Variants in UBR4 observed in about 807,000 individuals in gnomAD.
The protein encoded by UBR4 is E3 ubiquitin-protein ligase UBR4.
In UBR4, 124 loss-of-function variants were observed where a neutral mutation model predicts 575.6. The ratio of observed to expected loss-of-function variants is 0.22; its 90% CI spans 0.19 to 0.25. UBR4 has a LOEUF of 0.25. Among genes scored for constraint, UBR4 ranks in the 10% least tolerant of loss-of-function variants. The pLI is 1.00. For missense variants in UBR4, 4,818 were observed against 6,478.8 expected (o/e 0.74, Z 8.80); for synonymous variants, 2,455 against 2,473.7 (o/e 0.99, Z 0.22).
At chr1:19,143,513 T>C (rs947587467) in intron 55 of UBR4, among the ~76,000 whole-genome samples, 2 of 152,224 alleles carry the variant, frequency 1.3e-5, no homozygotes, top group Non-Finnish European at 2.9e-5. Flanking sequence ...CTGTGAAATT[T>C]GCTATCCAAC....
At position 19,156,839 on chromosome 1, in the gene UBR4, T is replaced by A. The variant is rs1207209948; in HGVS notation, c.5847A>T (p.Pro1949=). The A allele has an allele frequency of 1.2e-6, 2 of 1,614,058 alleles. No homozygotes were observed. The highest frequency in any genetic ancestry group is 1.1e-5 in the South Asian group (1 of 91,088). The change falls in exon 41 of 106, where the codon CCA becomes CCT. Residue 1949 remains proline, a synonymous_variant. Coordinates refer to ENST00000375254, the MANE Select transcript of UBR4 (RefSeq NM_020765.3). ...KLTLTRLASA[P]VPFTVLSLTG... The stretch of plus-strand genomic sequence containing the variant: ...TGAGGCTCAACACAGTAAAAGGAAC[T>A]GGGGCAGAAGCCAAGCGGGTCAGAG...
At position 19,086,257 on chromosome 1, in the gene UBR4, G is replaced by A; in HGVS notation, c.14701C>T (p.Arg4901Trp). The change falls in exon 101 of 106, where the codon CGG (arginine) becomes TGG (tryptophan). Residue 4901 changes from arginine (R) to tryptophan (W), a missense_variant. Arg to Trp is a moderately radical substitution (Grantham distance 101, BLOSUM62 -3). Coordinates refer to ENST00000375254, the MANE Select transcript of UBR4 (RefSeq NM_020765.3). ...HLAAVRLARG[R>W]EEWESAALQN... ...AGGGCGGCACTCTCCCACTCTTCCC[G>A]GCCTCGAGCCAACCTGGATAGGGAG... is the stretch of plus-strand genomic sequence containing the variant. 1 of 1,575,600 alleles carries A rather than the reference G, an allele frequency of 6.3e-7. No homozygotes were observed. Among genetic ancestry groups the A allele is most frequent in the Non-Finnish European group, 8.6e-7 (1 of 1,157,934 alleles).
chr1:19,147,272 T>C (rs930006219), intron 51 of UBR4, among the ~76,000 whole-genome samples: 16 of 152,254 alleles, frequency 1.1e-4, no homozygotes, highest in African/African-American at 3.9e-4. Context: ...CCAGAACTGC[T>C]AGATTTCTTT....
rs2080723775 is a variant in UBR4 at position 19,117,879 on chromosome 1, A to C, written c.10573T>G (p.Tyr3525Asp). The C allele has an allele frequency of 6.2e-7, 1 of 1,614,218 alleles. No individual in the cohort carries two copies. Among genetic ancestry groups the C allele is most frequent in the Non-Finnish European group, 8.5e-7 (1 of 1,180,024 alleles). ...AGGCAGGGATCGCTCTCCAGGTAATAGCCATCAAACTCCACTAAGCCAGAC... is the reference window on the plus strand; with the variant it reads ...AGGCAGGGATCGCTCTCCAGGTAATCGCCATCAAACTCCACTAAGCCAGAC... ...TLSGLVEFDG[Y>D]YLESDPCLVC... Residue 3525 changes from tyrosine (Y) to aspartate (D), a missense_variant, in exon 72 of 106, where the codon TAT (tyrosine) becomes GAT (aspartate). Coordinates refer to ENST00000375254, the MANE Select transcript of UBR4 (RefSeq NM_020765.3). This position sits in a 1 kb window ranked among gnomAD's most constrained non-coding sequence, Gnocchi z 4.0.
At chr1:19,210,031 C>A in intron 1 of UBR4, 42 bp downstream of exon 1, 1 of 1,503,340 alleles carries the variant, frequency 6.7e-7, no homozygotes, top group South Asian at 1.2e-5. Flanking sequence ...GAAATCCCCT[C>A]CCCCCACAAC....
chr1:19,174,237 T>A, intron 22 of UBR4, 82 bp downstream of exon 22: 1 of 1,531,528 alleles, frequency 6.5e-7, no homozygotes, highest in South Asian at 1.3e-5. Context: ...ATAAACTGGT[T>A]ACATTTCAGA....
At chr1:19,131,480 G>A (rs370116912) in intron 60 of UBR4, among the ~76,000 whole-genome samples, 1 of 152,110 alleles carries the variant, frequency 6.6e-6, no homozygotes. Context: ...TGTCAATATG[G>A]CTAGGTTACC....
chr1:19,161,395 T>A (rs990469886), intron 37 of UBR4, among the ~76,000 whole-genome samples, 194 bp downstream of exon 37: 1 of 152,202 alleles, frequency 6.6e-6, no homozygotes, highest in Non-Finnish European at 1.5e-5. Flanking sequence ...AACTACAAGA[T>A]CTCTAAGGAA....
Position 19,124,747 on chromosome 1 carries a change from T to C in UBR4, c.9439-57A>G. The C allele has an allele frequency of 1.9e-6, 3 of 1,585,038 alleles. No homozygotes were observed. In the Admixed American group the frequency reaches 5.4e-5, roughly 29 times the overall value. Reference sequence around the variant, plus strand: ...GACTATCGATTTTCCATGACCACAATTAGGAAAAAGCCTGGCTCATTAGAC... The same window carrying C: ...GACTATCGATTTTCCATGACCACAACTAGGAAAAAGCCTGGCTCATTAGAC... On this transcript the variant is annotated intron_variant, in intron 64 of 105. Transcript: ENST00000375254.
At position 19,093,600 on chromosome 1, in the gene UBR4, A is replaced by G. The variant is rs1259254328; in HGVS notation, c.13938-114T>C. 14 of 1,185,402 alleles carry G rather than the reference A, an allele frequency of 1.2e-5. No individual in the cohort carries two copies. Among genetic ancestry groups the G allele is most frequent in the Non-Finnish European group, 1.7e-5 (14 of 844,708 alleles). 73.4% of individuals were successfully genotyped at this position (1,185,402 alleles called of 1,614,324 possible). A position where few individuals can be genotyped will look rare whatever the true frequency, so the allele number is the denominator to read the frequency against. On this transcript the variant is annotated intron_variant, in intron 95 of 105. Coordinates refer to ENST00000375254, the MANE Select transcript of UBR4 (RefSeq NM_020765.3). This position sits in a 1 kb window ranked among gnomAD's most constrained non-coding sequence, Gnocchi z 4.8. ...ATAGAAGATCAAGGCTAAATTCCCT[A>G]ACGTGACACAAAGACCTATCTGCCC... is the stretch of plus-strand genomic sequence containing the variant.
chr1:19,199,346 T>C, intron 3 of UBR4, among the ~76,000 whole-genome samples: 1 of 152,160 alleles, frequency 6.6e-6, no homozygotes, highest in Non-Finnish European at 1.5e-5. Context: ...AAGTTTGCAA[T>C]CCTTGAGAAG....
chr1:19,110,502 C>T lies in UBR4; in HGVS notation c.11893-38G>A. ...GGGAAGAGACATGAGTCAAGAGGGT[C>T]AGCTCCGGTCCAGCGACTCTTAACT... is the stretch of plus-strand genomic sequence containing the variant. On this transcript the variant is annotated intron_variant, in intron 79 of 105. Coordinates refer to ENST00000375254, the MANE Select transcript of UBR4 (RefSeq NM_020765.3). The surrounding 1 kb of genome is among the most constrained non-coding windows in gnomAD (Gnocchi z 4.5). The T allele has an allele frequency of 1.3e-6, 2 of 1,599,126 alleles. No homozygotes were observed. Among genetic ancestry groups the T allele is most frequent in the Non-Finnish European group, 1.7e-6 (2 of 1,168,476 alleles).
intron 35 of UBR4, 91 bp from the exon 36 acceptor site, chr1:19,161,988 G>A: frequency 1.4e-6 from 2 of 1,428,974 alleles, no homozygotes; most frequent in Non-Finnish European, 1.9e-6. Flanking sequence ...CTATGGCGGG[G>A]TGAATAGTTG....
chr1:19,164,555 C>T (rs992647734), intron 32 of UBR4, 114 bp from the exon 33 acceptor site: 1 of 1,249,958 alleles, frequency 8.0e-7, no homozygotes, highest in Non-Finnish European at 1.1e-6. Flanking sequence ...CCAATCCCAG[C>T]TTTGGACTTG....
intron 2 of UBR4, among the ~76,000 whole-genome samples, chr1:19,200,232 A>G (rs928412281): frequency 6.6e-6 from 1 of 152,124 alleles, no homozygotes; most frequent in Non-Finnish European, 1.5e-5. Context: ...AGGTCACACA[A>G]AAAATACACT....
In UBR4 at chr1:19,170,829, C is replaced by T. The variant is rs762792662; in HGVS notation, c.3576G>A (p.Lys1192=). 1.9e-5 allele frequency: 31 copies of T among 1,614,164 alleles called. No homozygotes were observed. Among genetic ancestry groups the T allele is most frequent in the Non-Finnish European group, 2.6e-5 (31 of 1,180,016 alleles). Reference sequence around the variant, plus strand: ...CAGCAGCAAAGCCTTGCAGTTTCTCCTTGGAAGGTTTCTCAGTTGTTCCCT... The same window carrying T: ...CAGCAGCAAAGCCTTGCAGTTTCTCTTTGGAAGGTTTCTCAGTTGTTCCCT... ...NEEGTTEKPS[K]EKLQGFAAVL... is the part of the protein sequence containing the mutation. The change falls in exon 26 of 106, where the codon AAG becomes AAA. Residue 1192 remains lysine (K), a synonymous_variant. Transcript: ENST00000375254.
At chr1:19,103,964 G>T in intron 87 of UBR4, 120 bp downstream of exon 87, 1 of 1,131,324 alleles carries the variant, frequency 8.8e-7, no homozygotes, top group Non-Finnish European at 1.3e-6. Context: ...CCCTTTGAAT[G>T]CAGGGAGATG....
At chr1:19,158,802 T>C (rs776550374) in intron 39 of UBR4, among the ~76,000 whole-genome samples, 3 of 151,942 alleles carry the variant, frequency 2.0e-5, no homozygotes, top group Non-Finnish European at 2.9e-5. Context: ...AGAATATATA[T>C]GGGTATGTAT....
chr1:19,096,657 G>C lies in UBR4; in HGVS notation c.13391-7C>G, dbSNP rs374046477. ...TCTTCATCTTCTTCTTCATCTAGGG[G>C]AGAAGGGAAGCCAAGCAGAAATGGA... On this transcript the variant is annotated splice_region_variant and splice_polypyrimidine_tract_variant and intron_variant, in intron 91 of 105. Coordinates refer to ENST00000375254, the MANE Select transcript of UBR4 (RefSeq NM_020765.3). 2 of 1,613,218 alleles carry C rather than the reference G, an allele frequency of 1.2e-6. No individual in the cohort carries two copies. Among genetic ancestry groups the C allele is most frequent in the African/African-American group, 1.3e-5 (1 of 74,814 alleles).
Sources: allele counts gnomAD v4.1 joint callset (sites outside exome capture counted in the v4.1 genomes callset), GRCh38; gene constraint gnomAD v4.1.1; non-coding constraint Gnocchi (gnomAD v3.1); transcripts MANE v1.5; gene names NCBI Gene and HGNC (gene_info 2026-07-23, HGNC 2026-07-21).